DNAH6: variants seen among roughly 807,000 people sequenced by gnomAD.
The protein encoded by DNAH6 is dynein axonemal heavy chain 6.
Under a neutral mutation model 491.4 loss-of-function variants are expected in DNAH6, and 340 were observed. The ratio of observed to expected loss-of-function variants is 0.69; its 90% CI spans 0.63 to 0.76. The LOEUF is 0.76. Ranked by LOEUF, DNAH6 falls within the 30% of genes least tolerant of loss-of-function variation. The pLI, the probability that DNAH6 is intolerant of heterozygous loss-of-function variation, is 0.00. For synonymous variants in DNAH6, 1,603 were observed against 1,686.1 expected (o/e 0.95, Z 1.21); for missense variants, 4,443 against 4,972.2 (o/e 0.89, Z 3.20).
chr2:84,776,083 T>G (rs951959462), intron 64 of DNAH6, among the ~76,000 whole-genome samples: 22 of 152,158 alleles, frequency 1.4e-4, no homozygotes, highest in African/African-American at 5.1e-4. Context: ...TATTGTAATG[T>G]ACACTATTGA....
chr2:84,616,486 T>C (rs752197554), intron 22 of DNAH6, among the ~76,000 whole-genome samples: 2 of 152,148 alleles, frequency 1.3e-5, no homozygotes, highest in Non-Finnish European at 2.9e-5. Context: ...AAAATTTGTT[T>C]TGTCTTAAAT....
At chr2:84,483,563 T>C in the DNAH6 span, among the ~76,000 whole-genome samples, 1 of 152,100 alleles carries the variant, frequency 6.6e-6, no homozygotes, top group Non-Finnish European at 1.5e-5. Flanking sequence ...CTCTTTCCTC[T>C]TCTCTTTCCC....
chr2:84,463,300 C>CA, the DNAH6 span, among the ~76,000 whole-genome samples: 1 of 152,170 alleles, frequency 6.6e-6, no homozygotes, highest in Admixed American at 6.5e-5. Context: ...GTTGTGGAGC[C>CA]ACAGATCATG....
intron 14 of DNAH6, among the ~76,000 whole-genome samples, chr2:84,583,580 A>T (rs901042332): frequency 2.0e-5 from 3 of 152,160 alleles, no homozygotes; most frequent in Non-Finnish European, 2.9e-5. Flanking sequence ...CTCCACCCAA[A>T]TCTCACCTTG....
intron 18 of DNAH6, among the ~76,000 whole-genome samples, chr2:84,599,978 G>A (rs997514180): frequency 9.2e-5 from 14 of 152,050 alleles, no homozygotes; most frequent in Non-Finnish European, 1.8e-4. Context: ...CCAGAATATG[G>A]TCAATTTTGT....
rs1250575394 is a variant in DNAH6, at chr2:84,819,373, A to C, written c.12442A>C (p.Lys4148Gln). The C allele has an allele frequency of 9.0e-6, 14 of 1,551,492 alleles. No homozygotes were observed. The highest frequency in any genetic ancestry group is 1.2e-5 in the Non-Finnish European group (14 of 1,146,876). Residue 4148 changes from lysine to glutamine, a missense_variant, in exon 77 of 77, where the codon AAG becomes CAG. By Grantham distance (53) the Lys-to-Gln change is moderately conservative (BLOSUM62 1). Coordinates refer to ENST00000389394, the MANE Select transcript of DNAH6 (RefSeq NM_001370.2). ...SKRSKDYWIA[K>Q]GSALLCQLSE is the part of the protein sequence containing the mutation. ...GCGGTCCAAAGACTACTGGATTGCC[A>C]AGGGATCAGCTTTGCTCTGCCAGCT...
At chr2:84,485,729 T>C in the DNAH6 span, among the ~76,000 whole-genome samples, 159 of 152,246 alleles carry the variant, frequency 1.0e-3, no homozygotes, top group Non-Finnish European at 2.0e-3. Flanking sequence ...AACCCAGCTC[T>C]ATCTCTTTAC....
intron 45 of DNAH6, among the ~76,000 whole-genome samples, chr2:84,692,414 AAGGTAGATAGAT>A (rs1420469449): frequency 0.016 from 2,282 of 144,576 alleles, 28 homozygotes; most frequent in Middle Eastern, 0.024. Context: ...CAATATAAAT[AAGGTAGATAGAT>A]AGATAGATAG....
At chr2:84,601,363 G>C (rs541944708) in intron 18 of DNAH6, among the ~76,000 whole-genome samples, 2 of 152,130 alleles carry the variant, frequency 1.3e-5, no homozygotes, top group East Asian at 3.9e-4. Flanking sequence ...GCCACCTCAA[G>C]ATAGTGGTGC....
At chr2:84,503,017 C>G in the DNAH6 span, among the ~76,000 whole-genome samples, 1 of 151,984 alleles carries the variant, frequency 6.6e-6, no homozygotes, top group African/African-American at 2.4e-5. Flanking sequence ...GAACTAAGCA[C>G]TTACTCCTGC....
In DNAH6 at chr2:84,688,467, A is replaced by G; in HGVS notation, c.7166A>G (p.Tyr2389Cys). 1.3e-6 allele frequency: 2 copies of G among 1,534,078 alleles called. No homozygotes were observed. The highest frequency in any genetic ancestry group is 1.7e-6 in the Non-Finnish European group (2 of 1,143,242). The change falls in exon 45 of 77, where the codon TAT (tyrosine) becomes TGT (cysteine). Residue 2389 changes from tyrosine to cysteine, a missense_variant. Coordinates refer to ENST00000389394, the MANE Select transcript of DNAH6 (RefSeq NM_001370.2). Reference protein sequence around the residue: ...KFGADKADRIYDDMPDIEKTA... With the variant: ...KFGADKADRICDDMPDIEKTA... ...GGAGCAGATAAAGCTGATCGGATTT[A>G]TGATGACATGCCTGATATAGAGAAA...
chr2:84,642,956 GCCATGCTCTT>G (rs1292565858), intron 33 of DNAH6, among the ~76,000 whole-genome samples: 2 of 152,096 alleles, frequency 1.3e-5, no homozygotes, highest in African/African-American at 4.8e-5. Context: ...CTTCAATTAT[GCCATGCTCTT>G]CCATGCTCTT....
chr2:84,812,191 A>C (rs974059344), intron 72 of DNAH6, 150 bp from the exon 73 acceptor site: 7 of 650,004 alleles, frequency 1.1e-5, no homozygotes, highest in Non-Finnish European at 1.9e-5. Flanking sequence ...GAAATATTGG[A>C]GGGTCTGGCC....
At chr2:84,782,881 A>G (rs1676825353) in intron 65 of DNAH6, among the ~76,000 whole-genome samples, 1 of 152,098 alleles carries the variant, frequency 6.6e-6, no homozygotes, top group African/African-American at 2.4e-5. Context: ...GAATATGGAG[A>G]TGCCATTCAG....
At chr2:84,731,398 C>T (rs1359524097) in intron 61 of DNAH6, among the ~76,000 whole-genome samples, 1 of 152,220 alleles carries the variant, frequency 6.6e-6, no homozygotes, top group Non-Finnish European at 1.5e-5. Context: ...TGAGGCTCCA[C>T]GTTTGGTGCA....
chr2:84,497,455 G>A, the DNAH6 span, among the ~76,000 whole-genome samples: 4 of 152,028 alleles, frequency 2.6e-5, no homozygotes, highest in African/African-American at 9.7e-5. Context: ...GTTTCATTTC[G>A]CAAGGGTAAA....
chr2:84,747,521 G>A (rs1673075295), intron 63 of DNAH6, among the ~76,000 whole-genome samples: 1 of 152,214 alleles, frequency 6.6e-6, no homozygotes, highest in Non-Finnish European at 1.5e-5. Context: ...AGTAAGCCCT[G>A]TCCCCATGGC....
chr2:84,733,406 C>T, intron 61 of DNAH6, 38 bp from the exon 62 acceptor site: 1 of 1,534,142 alleles, frequency 6.5e-7, no homozygotes, highest in Non-Finnish European at 8.8e-7. Flanking sequence ...TTTGTGATTG[C>T]CTTTGTGAAT....
At chr2:84,557,369 G>A (rs562020173) in intron 10 of DNAH6, among the ~76,000 whole-genome samples, 68 of 152,086 alleles carry the variant, frequency 4.5e-4, no homozygotes, top group South Asian at 1.2e-3. Flanking sequence ...TTTATAGGCC[G>A]GGCGCGGTGG....
Sources: gnomAD v4.1 joint callset for allele counts (sites outside exome capture counted in the v4.1 genomes callset) on GRCh38, gnomAD v4.1.1 for gene constraint, MANE v1.5 for transcripts, NCBI Gene and HGNC (gene_info 2026-07-23, HGNC 2026-07-21) for gene names.